Variants in RNLS observed in about 807,000 individuals in gnomAD.
RNLS encodes renalase.
RNLS carries 39 observed loss-of-function variants against 39.8 expected under a neutral mutation model. The observed-to-expected ratio is 0.98, with a 90% CI of 0.76 to 1.28. The LOEUF is 1.28. Ranked by LOEUF, RNLS falls within the 50% of genes most tolerant of loss-of-function variation. The pLI is 0.00. For synonymous variants in RNLS, 147 were observed against 150.7 expected, an observed-to-expected ratio of 0.98 and a Z score of 0.18; for missense variants, 410 against 413.3, an observed-to-expected ratio of 0.99 and a Z score of 0.07.
chr10:88,351,307 C>G (rs905078392), intron 5 of RNLS, among the ~76,000 whole-genome samples: 1 of 152,012 alleles, frequency 6.6e-6, no homozygotes, highest in Non-Finnish European at 1.5e-5. Flanking sequence ...CCTTGCCCAT[C>G]CCTATGTCCT....
intron 4 of RNLS, among the ~76,000 whole-genome samples, chr10:88,505,584 T>C (rs1194353624): frequency 6.6e-6 from 1 of 152,022 alleles, no homozygotes; most frequent in Admixed American, 6.6e-5. Flanking sequence ...AAAAGTTTTT[T>C]AAAGAATAAT....
At chr10:88,447,370 C>G in intron 4 of RNLS, among the ~76,000 whole-genome samples, 1 of 71,358 alleles carries the variant, frequency 1.4e-5, no homozygotes, top group Non-Finnish European at 2.4e-5. Context: ...ACACCAATAA[C>G]AGACAGAGAG....
chr10:88,384,904 G>A (rs539160228), intron 4 of RNLS, among the ~76,000 whole-genome samples: 36 of 152,338 alleles, frequency 2.4e-4, no homozygotes, highest in African/African-American at 8.7e-4. Context: ...GAGAAAGCCA[G>A]TTGGGGTCAT....
At chr10:88,564,333 ACACACACACACACATG>A (rs923518034) in intron 4 of RNLS, among the ~76,000 whole-genome samples, 6 of 152,022 alleles carry the variant, frequency 3.9e-5, no homozygotes, top group Admixed American at 3.9e-4. Context: ...ACACACACAC[ACACACACACACACATG>A]CACACACACA....
the RNLS span, among the ~76,000 whole-genome samples, chr10:88,256,819 A>T: frequency 6.6e-6 from 1 of 152,076 alleles, no homozygotes; most frequent in South Asian, 2.1e-4. Flanking sequence ...TCAAACGTCA[A>T]CCATTCTGGA....
At chr10:88,388,056 A>G (rs1851980396) in intron 4 of RNLS, among the ~76,000 whole-genome samples, 1 of 152,208 alleles carries the variant, frequency 6.6e-6, no homozygotes, top group Admixed American at 6.5e-5. Flanking sequence ...TTCATTTAAC[A>G]CGTAGAAGTT....
intron 4 of RNLS, among the ~76,000 whole-genome samples, chr10:88,426,260 T>G (rs964122248): frequency 6.6e-6 from 1 of 152,022 alleles, no homozygotes; most frequent in African/African-American, 2.4e-5. Context: ...TGGGGCACAT[T>G]TGGCAGTTCA....
chr10:88,284,688 T>C lies in RNLS; in HGVS notation c.*666A>G. 2 of 985,134 alleles carry C rather than the reference T, an allele frequency of 2.0e-6. No individual in the cohort carries two copies. The highest frequency in any genetic ancestry group is 2.4e-6 in the Non-Finnish European group (2 of 829,678). 61.0% of individuals were successfully genotyped at this position (985,134 alleles called of 1,614,324 possible). On this transcript the variant is annotated 3_prime_UTR_variant, in exon 7 of 7. Transcript: ENST00000331772. The stretch of plus-strand genomic sequence containing the variant: ...TAATTTTTATCTTTCATATTAGGAC[T>C]GGAATTTGTTTGAAAGTTAAAAAGT...
chr10:88,333,249 T>C (rs760068069), intron 5 of RNLS, among the ~76,000 whole-genome samples: 4 of 152,228 alleles, frequency 2.6e-5, no homozygotes, highest in Non-Finnish European at 4.4e-5. Context: ...TGGAAAGATA[T>C]TATTAAATTA....
At chr10:88,250,179 T>C in the RNLS span, among the ~76,000 whole-genome samples, 1 of 152,230 alleles carries the variant, frequency 6.6e-6, no homozygotes, top group Non-Finnish European at 1.5e-5. Flanking sequence ...TCTCCCTCAA[T>C]AGACTATAGG....
intron 4 of RNLS, among the ~76,000 whole-genome samples, chr10:88,429,281 G>A (rs1854999812): frequency 6.6e-6 from 1 of 151,926 alleles, no homozygotes; most frequent in Non-Finnish European, 1.5e-5. Flanking sequence ...TCTTTACAAA[G>A]CTGCTGTGTA....
At chr10:88,361,506 T>TA (rs1300351671) in intron 5 of RNLS, among the ~76,000 whole-genome samples, 11 of 152,218 alleles carry the variant, frequency 7.2e-5, no homozygotes, top group Admixed American at 6.5e-4. Flanking sequence ...GTTGTAGAGT[T>TA]AAAAATAGTC....
At chr10:88,301,697 A>G (rs1167806043) in intron 6 of RNLS, among the ~76,000 whole-genome samples, 2 of 152,248 alleles carry the variant, frequency 1.3e-5, no homozygotes, top group African/African-American at 2.4e-5. Flanking sequence ...ACAGGGATCT[A>G]TCACTTTCAT....
the RNLS span, among the ~76,000 whole-genome samples, chr10:88,196,565 A>T: frequency 1.3e-5 from 2 of 152,168 alleles, no homozygotes; most frequent in South Asian, 4.1e-4. Context: ...ACCATGTACC[A>T]GTTCTGCACT....
intron 4 of RNLS, among the ~76,000 whole-genome samples, chr10:88,395,470 T>A (rs976686876): frequency 2.0e-5 from 3 of 151,888 alleles, no homozygotes; most frequent in Non-Finnish European, 4.4e-5. Context: ...GAAAAAATTT[T>A]ACTAGAGGGG....
chr10:88,281,051 C>T (rs922234921), downstream of RNLS, among the ~76,000 whole-genome samples: 16 of 152,204 alleles, frequency 1.1e-4, no homozygotes, highest in Admixed American at 4.6e-4. Context: ...TACTACCATT[C>T]TACCTTCCTT....
the RNLS span, among the ~76,000 whole-genome samples, chr10:88,260,434 T>G: frequency 6.6e-6 from 1 of 152,228 alleles, no homozygotes; most frequent in Non-Finnish European, 1.5e-5. Flanking sequence ...TGTACAAAGG[T>G]AGCTGTAATT....
At chr10:88,291,235 T>C (rs1843652852) in intron 6 of RNLS, among the ~76,000 whole-genome samples, 1 of 152,208 alleles carries the variant, frequency 6.6e-6, no homozygotes, top group Non-Finnish European at 1.5e-5. Flanking sequence ...TTCAGTTAAG[T>C]AGCATTGTTG....
chr10:88,315,994 G>A (rs1329300767), intron 5 of RNLS, among the ~76,000 whole-genome samples: 6 of 152,130 alleles, frequency 3.9e-5, no homozygotes, highest in South Asian at 2.1e-4. Context: ...TTTTGTGAAA[G>A]TACTTCATTT....
Sources: allele counts gnomAD v4.1 joint callset (sites outside exome capture counted in the v4.1 genomes callset), GRCh38; gene constraint gnomAD v4.1.1; transcripts MANE v1.5; gene names NCBI Gene and HGNC (gene_info 2026-07-23, HGNC 2026-07-21).